BTBD8: variants seen among roughly 807,000 people sequenced by gnomAD.
BTBD8 encodes the protein BTB domain containing 8.
A neutral mutation model predicts 162.9 loss-of-function variants in BTBD8; 110 were observed. The observed-to-expected ratio is 0.68, with a 90% CI of 0.58 to 0.79. BTBD8 has a LOEUF of 0.79. BTBD8 is among the 30% of genes least tolerant of loss of function. BTBD8 has a pLI of 0.00. For missense variants in BTBD8, 1,905 were observed against 2,085.4 expected, an observed-to-expected ratio of 0.91 and a Z score of 1.68; for synonymous variants, 667 against 716.1, an observed-to-expected ratio of 0.93 and a Z score of 1.10.
intron 2 of BTBD8, among the ~76,000 whole-genome samples, chr1:92,094,666 G>A (rs540074048): frequency 6.6e-6 from 1 of 152,326 alleles, no homozygotes; most frequent in Non-Finnish European, 1.5e-5. Context: ...ATGATTGTCA[G>A]TGGAAAGTTG....
intron 4 of BTBD8, among the ~76,000 whole-genome samples, chr1:92,119,837 G>A (rs1421953879): frequency 2.8e-5 from 4 of 143,864 alleles, no homozygotes; most frequent in African/African-American, 5.2e-5. Flanking sequence ...TCGATTTCCC[G>A]ACTTCATGAT....
Position 92,080,440 on chromosome 1 carries a change from G to A in BTBD8, c.-132G>A. ...GACTGTCTACAAACCGACGAGAGGC[G>A]TCAACCTTTTACCCTAGGGGGCGGA... On this transcript the variant is annotated 5_prime_UTR_variant, in exon 1 of 18. Transcript: ENST00000636805. 7.4e-7 allele frequency: 1 copy of A among 1,353,998 alleles called. No homozygotes were observed. The highest frequency in any genetic ancestry group is 9.9e-7 in the Non-Finnish European group (1 of 1,011,344). 83.9% of individuals were successfully genotyped at this position (1,353,998 alleles called of 1,614,324 possible).
chr1:92,086,189 T>C (rs2101890997), intron 1 of BTBD8, among the ~76,000 whole-genome samples: 1 of 152,270 alleles, frequency 6.6e-6, no homozygotes, highest in African/African-American at 2.4e-5. Context: ...CAAGGGGTTT[T>C]ATGCCCTGAG....
In BTBD8 at chr1:92,184,093, T is replaced by G; in HGVS notation, c.5142T>G (p.Val1714=). 1 of 1,551,684 alleles carries G rather than the reference T, an allele frequency of 6.4e-7. No homozygotes were observed. The highest frequency in any genetic ancestry group is 8.7e-7 in the Non-Finnish European group (1 of 1,146,892). The stretch of plus-strand genomic sequence containing the variant: ...CTGAACAGGATTCAAACTTAGATGT[T>G]ACAAATTCCGTTCCTGAAGACTTAA... ...LLSEQDSNLD[V]TNSVPEDLSL... is the part of the protein sequence containing the mutation. Residue 1714 remains valine (V), a synonymous_variant, in exon 18 of 18, where the codon GTT becomes GTG. Coordinates refer to ENST00000636805, the MANE Select transcript of BTBD8 (RefSeq NM_001376131.1).
intron 9 of BTBD8, among the ~76,000 whole-genome samples, chr1:92,161,803 C>G (rs991796172): frequency 2.6e-5 from 4 of 152,162 alleles, no homozygotes; most frequent in African/African-American, 9.7e-5. Context: ...AGCTTTTTAT[C>G]TGTGACCCAG....
rs950476733 is a variant in BTBD8 at position 92,178,294 on chromosome 1, G to A, written c.2442-18G>A. 2.6e-6 allele frequency: 4 copies of A among 1,541,408 alleles called. No individual in the cohort carries two copies. Among genetic ancestry groups the A allele is most frequent in the Admixed American group, 2.0e-5 (1 of 49,300 alleles). ...TTGGAATCTAAGTGTAATACTGAAT[G>A]CAAATAATTTTTTTTAGTGTACTAA... On this transcript the variant is annotated intron_variant, in intron 15 of 17. Transcript: ENST00000636805.
chr1:92,131,528 A>G (rs1649515229), intron 5 of BTBD8, among the ~76,000 whole-genome samples: 1 of 152,206 alleles, frequency 6.6e-6, no homozygotes, highest in Non-Finnish European at 1.5e-5. Context: ...GTTCAGGACC[A>G]GCCTGACCAA....
rs527339174 is a variant in BTBD8, at chr1:92,118,008, A to G, written c.662+10007A>G. On this transcript the variant is annotated intron_variant, in intron 4 of 17. Coordinates refer to ENST00000636805, the MANE Select transcript of BTBD8 (RefSeq NM_001376131.1). ...TTTTTCTTAGTTGGCCTTATTTTTT[A>G]GAACAGTTCCAGATTTATGGACAAA... Among the ~76,000 whole-genome samples the G allele has an allele frequency of 3.9e-5, 6 of 152,126 alleles. No homozygotes were observed. In the South Asian group the frequency reaches 1.2e-3, roughly 31 times the overall value.
At chr1:92,158,063 C>CTTTTTATTACCATTGGTATGAAATATCTT (rs1650201367) in intron 9 of BTBD8, among the ~76,000 whole-genome samples, 5 of 152,148 alleles carry the variant, frequency 3.3e-5, no homozygotes, top group Admixed American at 3.3e-4. Context: ...CACTCTTACT[C>CTTTTTATTACCATTGGTATGAAATATCTT]TTTTTATTAC....
intron 3 of BTBD8, among the ~76,000 whole-genome samples, chr1:92,106,660 C>CAA (rs60676530): frequency 0.54 from 5,333 of 9,932 alleles, 2,466 homozygotes; most frequent in East Asian, 0.79. Flanking sequence ...GACTCTGTCT[C>CAA]AAAAAAAAAA....
Position 92,102,766 on chromosome 1 carries a change from A to AT in BTBD8, c.544+107dup, listed in dbSNP as rs547474408. On this transcript the variant is annotated intron_variant, in intron 3 of 17. Transcript: ENST00000636805. ...CATACTTCAAAAATATGCTTTACTGATTTTTTTTTTAATAAGCATGGAGAA... is the reference window on the plus strand; with the variant it reads ...CATACTTCAAAAATATGCTTTACTGATTTTTTTTTTTAATAAGCATGGAGAA... The AT allele has an allele frequency of 8.4e-3, 9,025 of 1,071,034 alleles. 38 individuals carry two copies. The highest frequency in any genetic ancestry group is 0.043 in the African/African-American group (2,549 of 59,932). 66.3% of individuals were successfully genotyped at this position (1,071,034 alleles called of 1,614,324 possible).
At chr1:92,084,798 C>G (rs1404366097) in intron 1 of BTBD8, among the ~76,000 whole-genome samples, 1 of 152,168 alleles carries the variant, frequency 6.6e-6, no homozygotes, top group Non-Finnish European at 1.5e-5. Context: ...TTTTATGACT[C>G]CTCTTTCACT....
Position 92,107,955 on chromosome 1 carries a change from C to T in BTBD8, c.616C>T (p.Pro206Ser), listed in dbSNP as rs1648777743. ...LLKLYVKPCC[P>S]DIDIFVDGKR... Reference sequence around the variant, plus strand: ...GAAGCTTTATGTGAAACCTTGTTGCCCAGATATTGATATTTTTGTTGATGG... The same window carrying T: ...GAAGCTTTATGTGAAACCTTGTTGCTCAGATATTGATATTTTTGTTGATGG... The change falls in exon 4 of 18, where the codon CCA becomes TCA. Residue 206 changes from proline to serine, a missense_variant. Physicochemically the swap from Pro to Ser is moderately conservative, Grantham distance 74. Around this residue, in one of 3 missense-constraint regions of BTBD8, gnomAD observed 1,374 missense variants for 1,442.7 expected, o/e 0.95. Coordinates refer to ENST00000636805, the MANE Select transcript of BTBD8 (RefSeq NM_001376131.1). 6.2e-7 allele frequency: 1 copy of T among 1,613,778 alleles called. No individual in the cohort carries two copies. The highest frequency in any genetic ancestry group is 8.5e-7 in the Non-Finnish European group (1 of 1,179,902).
At chr1:92,119,209 T>G (rs187542139) in intron 4 of BTBD8, among the ~76,000 whole-genome samples, 1 of 152,062 alleles carries the variant, frequency 6.6e-6, no homozygotes, top group East Asian at 1.9e-4. Flanking sequence ...TTTAATTTTT[T>G]GAAACTTTTT....
chr1:92,157,267 A>C (rs193097713), intron 9 of BTBD8, among the ~76,000 whole-genome samples: 4 of 152,220 alleles, frequency 2.6e-5, no homozygotes, highest in African/African-American at 9.6e-5. Flanking sequence ...CATTGTGTTC[A>C]GAAAAGATGC....
At chr1:92,125,948 A>G in intron 4 of BTBD8, 1 of 451,360 alleles carries the variant, frequency 2.2e-6, no homozygotes, top group South Asian at 1.9e-5. Flanking sequence ...TGATTTATGG[A>G]ACACCTAGAG....
At chr1:92,131,265 G>A (rs1649508359) in intron 5 of BTBD8, among the ~76,000 whole-genome samples, 1 of 152,140 alleles carries the variant, frequency 6.6e-6, no homozygotes, top group Admixed American at 6.5e-5. Context: ...ACCTAACTGA[G>A]AAATAAGTGT....
At chr1:92,111,470 T>C (rs1177031512) in intron 4 of BTBD8, among the ~76,000 whole-genome samples, 1 of 152,212 alleles carries the variant, frequency 6.6e-6, no homozygotes, top group African/African-American at 2.4e-5. Flanking sequence ...CGAAGATCAT[T>C]GTTTTGTATG....
intron 1 of BTBD8, among the ~76,000 whole-genome samples, chr1:92,081,967 A>AG (rs397715481): frequency 6.6e-6 from 1 of 152,198 alleles, no homozygotes; most frequent in Non-Finnish European, 1.5e-5. Context: ...TAAAAAAAAA[A>AG]TCCCTTTAAT....
Sources: gnomAD v4.1 joint callset for allele counts (sites outside exome capture counted in the v4.1 genomes callset) on GRCh38, gnomAD v4.1.1 for gene constraint, gnomAD v4.1.1 regional missense constraint, MANE v1.5 for transcripts, NCBI Gene and HGNC (gene_info 2026-07-23, HGNC 2026-07-21) for gene names.